Variants in NEK10 observed in about 807,000 individuals in gnomAD.
NEK10 encodes serine/threonine-protein kinase Nek10.
NEK10 carries 122 observed loss-of-function variants against 159.8 expected under a neutral mutation model. The ratio of observed to expected loss-of-function variants is 0.76; its 90% CI spans 0.66 to 0.89. NEK10 has a LOEUF of 0.89. Ranked by LOEUF, NEK10 falls within the 40% of genes least tolerant of loss-of-function variation. The pLI is 0.00. For synonymous variants in NEK10, 466 were observed against 457.1 expected (o/e 1.02, Z -0.25); for missense variants, 1,342 against 1,323.1 (o/e 1.01, Z -0.22).
At chr3:27,139,574 A>T (rs1194205694) in intron 31 of NEK10, among the ~76,000 whole-genome samples, 1 of 152,192 alleles carries the variant, frequency 6.6e-6, no homozygotes, top group African/African-American at 2.4e-5. Context: ...AAGGGTAAAA[A>T]CTATAGCACT....
intron 7 of NEK10, 32 bp downstream of exon 7, chr3:27,314,265 G>A: frequency 6.4e-7 from 1 of 1,555,146 alleles, no homozygotes; most frequent in Non-Finnish European, 8.8e-7. Flanking sequence ...AAAATGAAAA[G>A]GCAAGACCAG....
intron 32 of NEK10, among the ~76,000 whole-genome samples, chr3:27,125,070 G>A (rs930850661): frequency 6.6e-6 from 1 of 152,044 alleles, no homozygotes; most frequent in South Asian, 2.1e-4. Flanking sequence ...AAGAGCAAAT[G>A]ACTGAATATA....
At chr3:27,127,091 C>A (rs1339576455) in intron 32 of NEK10, among the ~76,000 whole-genome samples, 3 of 152,098 alleles carry the variant, frequency 2.0e-5, no homozygotes. Context: ...GATAACAATT[C>A]AATGAATTCC....
chr3:27,285,212 G>A (rs756641487), intron 20 of NEK10, among the ~76,000 whole-genome samples: 11 of 152,096 alleles, frequency 7.2e-5, no homozygotes, highest in Non-Finnish European at 1.5e-4. Context: ...GTTTACACTG[G>A]CAAATGTATC....
intron 23 of NEK10, among the ~76,000 whole-genome samples, chr3:27,250,573 C>T (rs969511886): frequency 1.3e-5 from 2 of 152,076 alleles, no homozygotes; most frequent in African/African-American, 4.8e-5. Context: ...TTGAAGAACC[C>T]CCTTTAGCAT....
chr3:27,282,758 T>A (rs983765136), intron 22 of NEK10, among the ~76,000 whole-genome samples: 46 of 143,090 alleles, frequency 3.2e-4, no homozygotes, highest in African/African-American at 1.1e-3. Flanking sequence ...TATATATATA[T>A]ACTATTTGTT....
chr3:27,255,896 T>C (rs1956120061), intron 23 of NEK10, among the ~76,000 whole-genome samples: 1 of 152,188 alleles, frequency 6.6e-6, no homozygotes, highest in South Asian at 2.1e-4. Context: ...CACTTGAATG[T>C]TTATAGGTAG....
chr3:27,246,271 G>A (rs1221562861), intron 23 of NEK10, among the ~76,000 whole-genome samples: 1 of 152,038 alleles, frequency 6.6e-6, no homozygotes, highest in Non-Finnish European at 1.5e-5. Flanking sequence ...TTGTTATATA[G>A]GTAAACTGCA....
At position 27,201,499 on chromosome 3, in the gene NEK10, A is replaced by C. The variant is rs1253293892; in HGVS notation, c.2291+11T>G. On this transcript the variant is annotated intron_variant, in intron 25 of 35. Coordinates refer to ENST00000691995, the MANE Select transcript of NEK10 (RefSeq NM_001394966.1). ...TTGTCCCTACATGTCTGAAGCCGCA[A>C]GACTAATTACCTGCTGATGGTGTCT... 6.2e-7 allele frequency: 1 copy of C among 1,612,434 alleles called. No individual in the cohort carries two copies. The highest frequency in any genetic ancestry group is 1.3e-5 in the African/African-American group (1 of 74,924).
chr3:27,182,424 T>C (rs1225973690), intron 26 of NEK10, among the ~76,000 whole-genome samples: 1 of 152,086 alleles, frequency 6.6e-6, no homozygotes, highest in Non-Finnish European at 1.5e-5. Context: ...AGAAGAGACA[T>C]ATAATCCATG....
chr3:27,348,108 T>G (rs12637272), intron 3 of NEK10, among the ~76,000 whole-genome samples: 49,564 of 152,066 alleles, frequency 0.33, 10,142 homozygotes, highest in East Asian at 0.74. Context: ...ATATGAACTA[T>G]TAATCCAAAT....
intron 5 of NEK10, among the ~76,000 whole-genome samples, chr3:27,330,830 C>T (rs2046342232): frequency 6.6e-6 from 1 of 152,084 alleles, no homozygotes; most frequent in South Asian, 2.1e-4. Flanking sequence ...CTCAATGAGT[C>T]CAGGAAAGAC....
intron 23 of NEK10, among the ~76,000 whole-genome samples, chr3:27,238,050 AG>A (rs1307258855): frequency 6.6e-6 from 1 of 152,194 alleles, no homozygotes; most frequent in Non-Finnish European, 1.5e-5. Context: ...TTGGGGATTA[AG>A]AAGGGGATGG....
rs539109137 is a variant in NEK10 at position 27,311,935 on chromosome 3, G to A, written c.568+164C>T. ...TAATCTAAACATCTTTCTTCTGGCT[G>A]TATGTTGCCACTGAATATAACAATT... is the stretch of plus-strand genomic sequence containing the variant. On this transcript the variant is annotated intron_variant, in intron 8 of 35. Transcript: ENST00000691995. 5.3e-5 allele frequency: 32 copies of A among 598,590 alleles called. No individual in the cohort carries two copies. In the East Asian group the frequency reaches 8.6e-4, roughly 16 times the overall value. 37.1% of individuals were successfully genotyped at this position (598,590 alleles called of 1,614,324 possible). A position where few individuals can be genotyped will look rare whatever the true frequency, so the allele number is the denominator to read the frequency against.
chr3:27,116,072 C>T lies in NEK10; in HGVS notation c.3243+3G>A. 1 of 1,613,558 alleles carries T rather than the reference C, an allele frequency of 6.2e-7. No homozygotes were observed. Among genetic ancestry groups the T allele is most frequent in the Non-Finnish European group, 8.5e-7 (1 of 1,179,664 alleles). ...TCATTCAGAGACACTGCAAAAACCT[C>T]ACCTGCATCTGTTCATATGTTATTC... On this transcript the variant is annotated splice_donor_region_variant and intron_variant, in intron 34 of 35. Coordinates refer to ENST00000691995, the MANE Select transcript of NEK10 (RefSeq NM_001394966.1).
intron 30 of NEK10, among the ~76,000 whole-genome samples, chr3:27,145,216 C>G (rs553026260): frequency 6.6e-6 from 1 of 151,782 alleles, no homozygotes; most frequent in African/African-American, 2.4e-5. Flanking sequence ...ATTAAAGAGA[C>G]ATCGGTGAGG....
At chr3:27,279,796 A>AC (rs1386826404) in intron 22 of NEK10, among the ~76,000 whole-genome samples, 1 of 152,160 alleles carries the variant, frequency 6.6e-6, no homozygotes, top group Non-Finnish European at 1.5e-5. Context: ...TGCTAGCCTC[A>AC]CCAGTATGCC....
rs887717714 is a variant in NEK10 at position 27,359,167 on chromosome 3, A to G, written c.-37-6248T>C. Among the ~76,000 whole-genome samples the G allele has an allele frequency of 2.0e-5, 3 of 147,328 alleles. No homozygotes were observed. In the Admixed American group the frequency reaches 2.1e-4, roughly 10 times the overall value. On this transcript the variant is annotated intron_variant, in intron 1 of 35. Coordinates refer to ENST00000691995, the MANE Select transcript of NEK10 (RefSeq NM_001394966.1). ...CAGTGAGCCGAGACCGTGCCACTGC[A>G]CTCCAGCCTGGACAACAGAATGAAA...
chr3:27,135,196 A>T (rs996272900), intron 31 of NEK10, among the ~76,000 whole-genome samples: 4 of 152,146 alleles, frequency 2.6e-5, no homozygotes, highest in African/African-American at 9.7e-5. Context: ...AGGTGGGAGG[A>T]CCGCTTGAGC....
Sources: gnomAD v4.1 joint callset for allele counts (sites outside exome capture counted in the v4.1 genomes callset) on GRCh38, gnomAD v4.1.1 for gene constraint, MANE v1.5 for transcripts, NCBI Gene and HGNC (gene_info 2026-07-23, HGNC 2026-07-21) for gene names.